HERC2: variants seen among roughly 807,000 people sequenced by gnomAD.
The protein encoded by HERC2 is E3 ubiquitin-protein ligase HERC2.
In HERC2, 102 loss-of-function variants were observed where a neutral mutation model predicts 537.7. The observed-to-expected ratio is 0.19, with a 90% CI of 0.16 to 0.22. The LOEUF (loss-of-function observed/expected upper bound fraction) is 0.22. Among genes scored for constraint, HERC2 ranks in the 10% least tolerant of loss-of-function variants. The pLI is 1.00. For synonymous variants in HERC2, 2,224 were observed against 2,466.2 expected, an observed-to-expected ratio of 0.90 and a Z score of 2.91; for missense variants, 4,236 against 6,198.2, an observed-to-expected ratio of 0.68 and a Z score of 10.63.
chr15:28,316,684 T>G (rs540270416), intron 2 of HERC2, among the ~76,000 whole-genome samples: 1 of 152,354 alleles, frequency 6.6e-6, no homozygotes. Context: ...AATTCTTTTA[T>G]TTCTACATGT....
Position 28,215,737 on chromosome 15 carries a change from T to G in HERC2, c.6094A>C (p.Ser2032Arg). The G allele has an allele frequency of 6.2e-7, 1 of 1,611,996 alleles. No individual in the cohort carries two copies. Among genetic ancestry groups the G allele is most frequent in the Non-Finnish European group, 8.5e-7 (1 of 1,179,856 alleles). The stretch of plus-strand genomic sequence containing the variant: ...CATACCTGCGGCGTGAGAGCGATGC[T>G]CCGCACAAACCCCAGCGTGCACCAG... Reference protein sequence around the residue: ...RSWCTLGFVRSIALTPQVCGA... With the variant: ...RSWCTLGFVRRIALTPQVCGA... Residue 2032 changes from serine to arginine, a missense_variant, in exon 39 of 93, where the codon AGC becomes CGC. Around this residue, in one of 27 missense-constraint regions of HERC2, gnomAD observed 365 missense variants for 468.8 expected, o/e 0.78. Coordinates refer to ENST00000261609, the MANE Select transcript of HERC2 (RefSeq NM_004667.6).
intron 90 of HERC2, among the ~76,000 whole-genome samples, chr15:28,114,145 G>A (rs1329101253): frequency 1.3e-5 from 2 of 152,198 alleles, no homozygotes; most frequent in Non-Finnish European, 2.9e-5. Context: ...GTGCTTCCAG[G>A]GGACATGGGA....
chr15:28,291,036 A>G (rs1016731657), intron 4 of HERC2, among the ~76,000 whole-genome samples: 1 of 152,236 alleles, frequency 6.6e-6, no homozygotes, highest in African/African-American at 2.4e-5. Flanking sequence ...GAAAAAACTC[A>G]AATTGATAAC....
At chr15:28,187,841 T>C (rs1024540870) in intron 55 of HERC2, among the ~76,000 whole-genome samples, 1 of 152,184 alleles carries the variant, frequency 6.6e-6, no homozygotes, top group Non-Finnish European at 1.5e-5. Flanking sequence ...GTTGGTCTAC[T>C]TGTCCTGCAA....
intron 42 of HERC2, 27 bp from the exon 43 acceptor site, chr15:28,212,610 G>C (rs1283186384): frequency 1.9e-6 from 3 of 1,607,058 alleles, no homozygotes; most frequent in Admixed American, 3.3e-5. Flanking sequence ...AGCTGTCAGA[G>C]TGTGGCCAAT....
At chr15:28,245,564 T>TACACACAC (rs1232976281) in intron 23 of HERC2, among the ~76,000 whole-genome samples, 13 of 108,960 alleles carry the variant, frequency 1.2e-4, no homozygotes, top group Admixed American at 6.4e-4. Context: ...AAAAAAAATA[T>TACACACAC]ATACACACAC....
intron 56 of HERC2, among the ~76,000 whole-genome samples, chr15:28,184,360 G>A (rs114933928): frequency 6.6e-6 from 1 of 152,184 alleles, no homozygotes; most frequent in Non-Finnish European, 1.5e-5. Context: ...GAACATCCCA[G>A]TTGGGTGGCA....
At chr15:28,198,821 T>G (rs1422567435) in intron 48 of HERC2, 52 bp from the exon 49 acceptor site, 2 of 1,480,112 alleles carry the variant, frequency 1.4e-6, no homozygotes, top group Middle Eastern at 1.8e-4. Flanking sequence ...ACAGGTGAAA[T>G]GAGCCATGAT....
chr15:28,286,779 C>T (rs1030342461), intron 4 of HERC2, among the ~76,000 whole-genome samples: 1 of 152,166 alleles, frequency 6.6e-6, no homozygotes, highest in Non-Finnish European at 1.5e-5. Context: ...CAATGGCCAG[C>T]AAGCCCTTTT....
In HERC2 at chr15:28,238,152, C is replaced by G; in HGVS notation, c.3814G>C (p.Glu1272Gln). 1 of 1,611,964 alleles carries G rather than the reference C, an allele frequency of 6.2e-7. No individual in the cohort carries two copies. Among genetic ancestry groups the G allele is most frequent in the African/African-American group, 1.3e-5 (1 of 74,986 alleles). The change falls in exon 25 of 93, where the codon GAA becomes CAA. Residue 1272 changes from glutamate (E) to glutamine (Q), a missense_variant. Transcript: ENST00000261609. Reference sequence around the variant, plus strand: ...CCAACACAAAACGCGTGCATGGATTCCCGGGTGTCTTCAAACTGCAAAGCA... The same window carrying G: ...CCAACACAAAACGCGTGCATGGATTGCCGGGTGTCTTCAAACTGCAAAGCA... Reference protein sequence around the residue: ...EAALQFEDTRESMHAFCVGQY... With the variant: ...EAALQFEDTRQSMHAFCVGQY...
At chr15:28,115,670 C>A (rs1888147866) in intron 88 of HERC2, 129 bp from the exon 89 acceptor site, 2 of 655,878 alleles carry the variant, frequency 3.0e-6, no homozygotes, top group Non-Finnish European at 5.6e-6. Context: ...GCAACACCCA[C>A]ATCATAGGTC....
Position 28,238,635 on chromosome 15 carries a change from G to C in HERC2, c.3715C>G (p.Gln1239Glu). Reference protein sequence around the residue: ...DGKVYDIKDFQTQSLTGNSIL... With the variant: ...DGKVYDIKDFETQSLTGNSIL... The stretch of plus-strand genomic sequence containing the variant: ...CTATTTCCTGTTAACGACTGTGTCT[G>C]GAAGTCCTTTATATCATACACCTTC... Residue 1239 changes from glutamine (Q) to glutamate (E), a missense_variant, in exon 24 of 93, where the codon CAG becomes GAG. Around this residue, in one of 27 missense-constraint regions of HERC2, gnomAD observed 754 missense variants for 1,085.0 expected, o/e 0.69. Coordinates refer to ENST00000261609, the MANE Select transcript of HERC2 (RefSeq NM_004667.6). 1.2e-6 allele frequency: 2 copies of C among 1,611,526 alleles called. No homozygotes were observed. The highest frequency in any genetic ancestry group is 1.7e-6 in the Non-Finnish European group (2 of 1,179,498).
At position 28,268,510 on chromosome 15, in the gene HERC2, G is replaced by T. The variant is rs909140146; in HGVS notation, c.1553C>A (p.Ser518Tyr). 6.2e-7 allele frequency: 1 copy of T among 1,614,076 alleles called. No individual in the cohort carries two copies. The highest frequency in any genetic ancestry group is 8.5e-7 in the Non-Finnish European group (1 of 1,179,992). The change falls in exon 12 of 93, where the codon TCC becomes TAC. Residue 518 changes from serine (S) to tyrosine (Y), a missense_variant. By Grantham distance (144) the Ser-to-Tyr change is moderately radical. Transcript: ENST00000261609. The surrounding 1 kb of genome is among the most constrained non-coding windows in gnomAD (Gnocchi z 4.7). ...LALAATGEVYSWGCGDGGRLG... is the reference protein window; with the variant it reads ...LALAATGEVYYWGCGDGGRLG... ...CCGTCCGCCGTCCCCACAGCCCCAG[G>T]AGTACACCTCTCCAGTAGCAGCCAA...
intron 2 of HERC2, among the ~76,000 whole-genome samples, chr15:28,311,471 CA>C (rs563046272): frequency 6.6e-6 from 1 of 151,480 alleles, no homozygotes; most frequent in African/African-American, 2.4e-5. Flanking sequence ...ACTTAAAAAA[CA>C]AAAAAAGAAA....
At chr15:28,255,516 T>C (rs1221815944) in intron 19 of HERC2, among the ~76,000 whole-genome samples, 3 of 152,092 alleles carry the variant, frequency 2.0e-5, no homozygotes, top group African/African-American at 4.8e-5. Flanking sequence ...GCATACTATA[T>C]AGTTATATTG....
Position 28,132,643 on chromosome 15 carries a change from GCCT to G in HERC2, c.12408+7_12408+9del, listed in dbSNP as rs762465717. On this transcript the variant is annotated splice_region_variant and intron_variant, in intron 80 of 92. Transcript: ENST00000261609. ...GCAGCCTCCGGCCTCTGCACACGGC[GCCT>G]CCTCACCAGCTTCGGCTTCAGCTGG... 4.0e-6 allele frequency: 6 copies of G among 1,483,398 alleles called. No individual in the cohort carries two copies. Among genetic ancestry groups the G allele is most frequent in the Non-Finnish European group, 5.4e-6 (6 of 1,111,288 alleles). The allele number at this position is 1,483,398 out of a possible 1,614,324, so 91.9% of individuals were successfully genotyped here. A position where few individuals can be genotyped will look rare whatever the true frequency, so the allele number is the denominator to read the frequency against.
At chr15:28,207,238 G>A (rs1476048965) in intron 44 of HERC2, among the ~76,000 whole-genome samples, 5 of 151,710 alleles carry the variant, frequency 3.3e-5, no homozygotes, top group Admixed American at 1.3e-4. Flanking sequence ...TGGCTCAAGC[G>A]ATTCTCCTGC....
Position 28,116,782 on chromosome 15 carries a change from T to C in HERC2, c.13492A>G (p.Thr4498Ala). 6.2e-7 allele frequency: 1 copy of C among 1,613,928 alleles called. No homozygotes were observed. Among genetic ancestry groups the C allele is most frequent in the Non-Finnish European group, 8.5e-7 (1 of 1,180,002 alleles). The change falls in exon 88 of 93, where the codon ACG (threonine) becomes GCG (alanine). Residue 4498 changes from threonine to alanine, a missense_variant. Thr to Ala is a moderately conservative substitution (Grantham distance 58). Around this residue, in one of 27 missense-constraint regions of HERC2, gnomAD observed 313 missense variants for 462.6 expected, o/e 0.68. Transcript: ENST00000261609. The part of the protein sequence containing the change: ...EICEELQNGL[T>A]PLLIVTPNGR... Reference sequence around the variant, plus strand: ...TTGGGTGTCACGATCAGCAGGGGCGTGAGTCCGTTCTGCAGCTCCTCACAG... The same window carrying C: ...TTGGGTGTCACGATCAGCAGGGGCGCGAGTCCGTTCTGCAGCTCCTCACAG...
In HERC2 at chr15:28,111,535, C is replaced by T. The variant is rs1336529038; in HGVS notation, c.*228G>A. The T allele has an allele frequency of 8.7e-6, 5 of 577,332 alleles. No homozygotes were observed. Among genetic ancestry groups the T allele is most frequent in the Admixed American group, 3.2e-5 (1 of 31,548 alleles). 35.8% of individuals were successfully genotyped at this position (577,332 alleles called of 1,614,324 possible). ...CAGTCCTACATGTAATGCAGCATTA[C>T]GGGTGAGAAGACCCTTGGAAGTCGA... On this transcript the variant is annotated 3_prime_UTR_variant, in exon 93 of 93. Transcript: ENST00000261609.
Sources: gnomAD v4.1 joint callset for allele counts (sites outside exome capture counted in the v4.1 genomes callset) on GRCh38, gnomAD v4.1.1 for gene constraint, gnomAD v4.1.1 regional missense constraint, Gnocchi (gnomAD v3.1) non-coding constraint, MANE v1.5 for transcripts, NCBI Gene and HGNC (gene_info 2026-07-23, HGNC 2026-07-21) for gene names.